The following SNRNP70 variants were observed in gnomAD, a reference collection of about 807,000 sequenced individuals.
SNRNP70 encodes the protein small nuclear ribonucleoprotein U1 subunit 70.
Under a neutral mutation model 50.5 loss-of-function variants are expected in SNRNP70, and 8 were observed. The ratio of observed to expected loss-of-function variants is 0.16; its 90% CI spans 0.09 to 0.29. The LOEUF (loss-of-function observed/expected upper bound fraction) is 0.29. SNRNP70 is among the 10% of genes least tolerant of loss of function. SNRNP70 has a pLI of 1.00. For missense variants in SNRNP70, 529 were observed against 663.5 expected (o/e 0.80, Z 2.23); for synonymous variants, 320 against 252.9 (o/e 1.27, Z -2.52).
intron 4 of SNRNP70, chr19:49,090,788 A>C (rs2040437963): frequency 5.6e-6 from 3 of 537,588 alleles, no homozygotes; most frequent in South Asian, 4.4e-5. Flanking sequence ...GGGCTCCCAC[A>C]ACCCAGCTGG....
In SNRNP70 at chr19:49,108,335, G is replaced by C. The variant is rs2040711321; in HGVS notation, c.1206G>C (p.Gly402=). 1 of 1,603,748 alleles carries C rather than the reference G, an allele frequency of 6.2e-7. No individual in the cohort carries two copies. Among genetic ancestry groups the C allele is most frequent in the Admixed American group, 1.7e-5 (1 of 58,866 alleles). Residue 402 remains glycine (G), a synonymous_variant, in exon 10 of 10, where the codon GGG becomes GGC. Coordinates refer to ENST00000598441, the MANE Select transcript of SNRNP70 (RefSeq NM_003089.6). ...ARGGGGGQDN[G]LEGLGNDSRD... ...GTGGGGGCGGTGGCCAGGACAACGG[G>C]CTGGAGGGTCTGGGCAACGACAGCC...
At chr19:49,099,356 C>T (rs890691016) in intron 6 of SNRNP70, among the ~76,000 whole-genome samples, 2 of 152,016 alleles carry the variant, frequency 1.3e-5, no homozygotes, top group Admixed American at 6.6e-5. Context: ...GAGGCAGAGG[C>T]GGGAGGATAG....
intron 2 of SNRNP70, among the ~76,000 whole-genome samples, chr19:49,088,235 C>G (rs2040406589): frequency 7.3e-6 from 1 of 136,738 alleles, no homozygotes; most frequent in Non-Finnish European, 1.5e-5. Context: ...TGGAGTCTCG[C>G]TCTGTTGCCT....
chr19:49,087,151 T>A (rs918489391), intron 2 of SNRNP70, among the ~76,000 whole-genome samples: 24 of 127,500 alleles, frequency 1.9e-4, no homozygotes, highest in African/African-American at 5.8e-4. Flanking sequence ...CTGCACTCCA[T>A]CCTGAGCAAC....
intron 2 of SNRNP70, among the ~76,000 whole-genome samples, chr19:49,087,177 C>CA (rs11398967): frequency 0.69 from 69,198 of 100,562 alleles, 23,748 homozygotes; most frequent in Non-Finnish European, 0.73. Context: ...AAGACTGTCT[C>CA]AAAAAAAAAA....
At chr19:49,102,334 G>A (rs2040598904) in intron 7 of SNRNP70, 2 of 392,796 alleles carry the variant, frequency 5.1e-6, no homozygotes, top group Non-Finnish European at 1.0e-5. Context: ...GGTGCCCTTT[G>A]TCCCTCCTGC....
rs764817759 is a variant in SNRNP70 at position 49,085,483 on chromosome 19, C to G, written c.-164C>G. ...ATCGGAGGCCGCGCGGGTGGCTGAG[C>G]AGCGGCCTGGTGCGCTCGCTTAGCG... On this transcript the variant is annotated 5_prime_UTR_variant, in exon 1 of 10. Coordinates refer to ENST00000598441, the MANE Select transcript of SNRNP70 (RefSeq NM_003089.6). The G allele has an allele frequency of 4.5e-6, 2 of 444,516 alleles. No homozygotes were observed. Among genetic ancestry groups the G allele is most frequent in the African/African-American group, 2.0e-5 (1 of 49,474 alleles). The allele number at this position is 444,516 out of a possible 1,614,324, so 27.5% of individuals were successfully genotyped here.
Position 49,085,646 on chromosome 19 carries a change from T to C in SNRNP70, c.-11+10T>C. On this transcript the variant is annotated intron_variant, in intron 1 of 9. Coordinates refer to ENST00000598441, the MANE Select transcript of SNRNP70 (RefSeq NM_003089.6). The stretch of plus-strand genomic sequence containing the variant: ...AGGAGGGCGCTACGCGGTGAGTGAG[T>C]GTGACTGAGTGGCCCGACGGGGTGC... 1 of 455,748 alleles carries C rather than the reference T, an allele frequency of 2.2e-6. No individual in the cohort carries two copies. Among genetic ancestry groups the C allele is most frequent in the Non-Finnish European group, 4.4e-6 (1 of 226,660 alleles). The allele number at this position is 455,748 out of a possible 1,614,324, so 28.2% of individuals were successfully genotyped here.
At chr19:49,085,742 C>G (rs1190191258) in intron 1 of SNRNP70, 106 bp downstream of exon 1, 1 of 436,134 alleles carries the variant, frequency 2.3e-6, no homozygotes. Flanking sequence ...TTTCCCGCGT[C>G]CCCGCCACAG....
At position 49,089,951 on chromosome 19, in the gene SNRNP70, T is replaced by C. The variant is rs535196963; in HGVS notation, c.148-340T>C. On this transcript the variant is annotated intron_variant, in intron 2 of 9. Transcript: ENST00000598441. Reference sequence around the variant, plus strand: ...GTGCTGGGATTACAGGCGTGTGCACTGCACCCGGCCTTTACACCTGGCTAA... The same window carrying C: ...GTGCTGGGATTACAGGCGTGTGCACCGCACCCGGCCTTTACACCTGGCTAA... 2.2e-4 allele frequency among the ~76,000 whole-genome samples: 33 copies of C among 152,102 alleles called. No homozygotes were observed. In the East Asian group the frequency reaches 5.4e-3, roughly 25 times the overall value.
intron 7 of SNRNP70, chr19:49,103,493 C>G (rs2040618800): frequency 6.6e-6 from 1 of 150,426 alleles, no homozygotes; most frequent in South Asian, 2.1e-4. Flanking sequence ...GGTCCCGTGT[C>G]CCCCCCCCGG....
Position 49,104,441 on chromosome 19 carries a change from G to A in SNRNP70, c.476-193G>A, listed in dbSNP as rs551030391. 6.8e-5 allele frequency: 38 copies of A among 561,730 alleles called. 1 individual carries two copies. Among genetic ancestry groups the A allele is most frequent in the South Asian group, 3.6e-4 (17 of 47,250 alleles). 34.8% of individuals were successfully genotyped at this position (561,730 alleles called of 1,614,324 possible). On this transcript the variant is annotated intron_variant, in intron 7 of 9. Coordinates refer to ENST00000598441, the MANE Select transcript of SNRNP70 (RefSeq NM_003089.6). The surrounding 1 kb of genome is among the most constrained non-coding windows in gnomAD (Gnocchi z 5.4). ...GTTGGGGCGCTGAGAGGAAGCAGAC[G>A]CTGAGATGGAGCAGGCCCTTCACCG... is the stretch of plus-strand genomic sequence containing the variant.
At position 49,107,026 on chromosome 19, in the gene SNRNP70, G is replaced by A. The variant is rs1316882948; in HGVS notation, c.578-599G>A. 6.6e-6 allele frequency among the ~76,000 whole-genome samples: 1 copy of A among 152,124 alleles called. No homozygotes were observed. The highest frequency in any genetic ancestry group is 6.5e-5 in the Admixed American group (1 of 15,276). On this transcript the variant is annotated intron_variant, in intron 8 of 9. Transcript: ENST00000598441. This position sits in a 1 kb window ranked among gnomAD's most constrained non-coding sequence, Gnocchi z 6.0. ...AGAGACTTCCCGAGAAAGGATGTTC[G>A]GGCTAGCGTTAAGGGTGAGCGTGAG... is the stretch of plus-strand genomic sequence containing the variant.
At chr19:49,105,514 G>A (rs1304640051) in intron 8 of SNRNP70, among the ~76,000 whole-genome samples, 4 of 152,016 alleles carry the variant, frequency 2.6e-5, no homozygotes, top group African/African-American at 7.2e-5. Flanking sequence ...GGATCATGAG[G>A]TCAGGAGTTC....
At chr19:49,101,516 T>A (rs770147423) in intron 7 of SNRNP70, 45 bp downstream of exon 7, 31 of 1,388,278 alleles carry the variant, frequency 2.2e-5, no homozygotes, top group Non-Finnish European at 2.8e-5. Flanking sequence ...TGCTCTCACT[T>A]CTCTGCTGCC....
chr19:49,090,193 G>A, intron 2 of SNRNP70, 98 bp from the exon 3 acceptor site: 1 of 995,486 alleles, frequency 1.0e-6, no homozygotes, highest in Non-Finnish European at 1.6e-6. Flanking sequence ...TTTGTAGGGG[G>A]TGGGGGTGGG....
intron 2 of SNRNP70, among the ~76,000 whole-genome samples, chr19:49,087,985 C>T (rs747561547): frequency 1.3e-4 from 19 of 151,968 alleles, no homozygotes; most frequent in South Asian, 2.1e-4. Flanking sequence ...CTGCAGCCTC[C>T]GGTTCAAGCA....
chr19:49,108,416 G>T lies in SNRNP70; in HGVS notation c.1287G>T (p.Gly429=). 1 of 1,609,844 alleles carries T rather than the reference G, an allele frequency of 6.2e-7. No individual in the cohort carries two copies. The highest frequency in any genetic ancestry group is 1.3e-5 in the African/African-American group (1 of 74,946). Residue 429 remains glycine (G), a synonymous_variant, in exon 10 of 10, where the codon GGG becomes GGT. Transcript: ENST00000598441. Reference sequence around the variant, plus strand: ...ACGGCTACCTGGCTCCGGAGAATGGGTATTTGATGGAGGCTGCGCCGGAGT... The same window carrying T: ...ACGGCTACCTGGCTCCGGAGAATGGTTATTTGATGGAGGCTGCGCCGGAGT... ...GGDGYLAPEN[G]YLMEAAPE
At position 49,104,478 on chromosome 19, in the gene SNRNP70, G is replaced by C. The variant is rs1460250868; in HGVS notation, c.476-156G>C. 1 of 646,664 alleles carries C rather than the reference G, an allele frequency of 1.5e-6. No homozygotes were observed. Among genetic ancestry groups the C allele is most frequent in the South Asian group, 1.7e-5 (1 of 58,182 alleles). The allele number at this position is 646,664 out of a possible 1,614,324, so 40.1% of individuals were successfully genotyped here. ...CAGGCCCTTCACCGGTTTGGGAGAG[G>C]GTTGGTCTGGCTGTCAGTTGCCTGG... is the stretch of plus-strand genomic sequence containing the variant. On this transcript the variant is annotated intron_variant, in intron 7 of 9. Coordinates refer to ENST00000598441, the MANE Select transcript of SNRNP70 (RefSeq NM_003089.6). This position sits in a 1 kb window ranked among gnomAD's most constrained non-coding sequence, Gnocchi z 5.4.
Sources: gnomAD v4.1 joint callset for allele counts (sites outside exome capture counted in the v4.1 genomes callset) on GRCh38, gnomAD v4.1.1 for gene constraint, Gnocchi (gnomAD v3.1) non-coding constraint, MANE v1.5 for transcripts, NCBI Gene and HGNC (gene_info 2026-07-23, HGNC 2026-07-21) for gene names.